Variants in UNC5C observed in about 807,000 individuals in gnomAD.
UNC5C encodes the protein unc-5 netrin receptor C, also known as netrin receptor UNC5C.
A neutral mutation model predicts 99.8 loss-of-function variants in UNC5C; 47 were observed. That is an observed-to-expected ratio of 0.47 (90% confidence interval 0.37 to 0.60). UNC5C has a LOEUF of 0.60. Ranked by LOEUF, UNC5C falls within the 20% of genes least tolerant of loss-of-function variation. UNC5C has a pLI of 0.00. For synonymous variants in UNC5C, 487 were observed against 452.2 expected (o/e 1.08, Z -0.98); for missense variants, 1,062 against 1,165.9 (o/e 0.91, Z 1.30).
intron 12 of UNC5C, among the ~76,000 whole-genome samples, chr4:95,188,833 C>G (rs1359797887): frequency 6.6e-6 from 1 of 152,120 alleles, no homozygotes; most frequent in Non-Finnish European, 1.5e-5. Context: ...AGCACACAGA[C>G]AAGTAAGTCC....
Position 95,318,610 on chromosome 4 carries a change from G to A in UNC5C, c.346+16800C>T, listed in dbSNP as rs188825319. 7.9e-4 allele frequency among the ~76,000 whole-genome samples: 120 copies of A among 152,224 alleles called. 1 individual carries two copies. Among genetic ancestry groups the A allele is most frequent in the Non-Finnish European group, 1.5e-3 (104 of 68,018 alleles). ...GAGAGGCAGCCTCTTAGTCACTGAG[G>A]TCACTTCATACAGAGGGCATCATTG... On this transcript the variant is annotated intron_variant, in intron 2 of 15. Coordinates refer to ENST00000453304, the MANE Select transcript of UNC5C (RefSeq NM_003728.4).
intron 1 of UNC5C, among the ~76,000 whole-genome samples, chr4:95,444,620 C>A (rs559289955): frequency 6.6e-5 from 10 of 152,270 alleles, no homozygotes; most frequent in South Asian, 2.1e-4. Flanking sequence ...CGTGAGGCAC[C>A]GCGCCGGGCC....
chr4:95,449,582 A>T (rs950695899), intron 1 of UNC5C, among the ~76,000 whole-genome samples: 3 of 152,190 alleles, frequency 2.0e-5, no homozygotes, highest in African/African-American at 7.2e-5. Flanking sequence ...AGCCATTGAC[A>T]GGAATGAGGA....
intron 14 of UNC5C, among the ~76,000 whole-genome samples, chr4:95,175,664 G>A (rs1167434616): frequency 1.3e-5 from 2 of 152,038 alleles, no homozygotes; most frequent in African/African-American, 2.4e-5. Flanking sequence ...TTTCTCTCTG[G>A]CTGCCCTTAA....
chr4:95,455,367 A>G (rs929521089), intron 1 of UNC5C, among the ~76,000 whole-genome samples: 6 of 152,118 alleles, frequency 3.9e-5, no homozygotes, highest in Non-Finnish European at 8.8e-5. Context: ...ATGGCCCAAA[A>G]CCATTAAGCA....
At chr4:95,388,449 A>G (rs1233011195) in intron 1 of UNC5C, among the ~76,000 whole-genome samples, 1 of 152,176 alleles carries the variant, frequency 6.6e-6, no homozygotes, top group African/African-American at 2.4e-5. Context: ...TGATGTAAAG[A>G]TTTTGCACCC....
intron 1 of UNC5C, among the ~76,000 whole-genome samples, chr4:95,509,651 A>C (rs1722015066): frequency 6.6e-6 from 1 of 151,898 alleles, no homozygotes; most frequent in South Asian, 2.1e-4. Flanking sequence ...TTACTAGATA[A>C]TTAGTGAATT....
intron 2 of UNC5C, among the ~76,000 whole-genome samples, chr4:95,333,145 T>G (rs967076841): frequency 2.0e-5 from 3 of 152,156 alleles, no homozygotes; most frequent in Non-Finnish European, 2.9e-5. Context: ...AGTTCAACCA[T>G]TGCGGAAGTC....
chr4:95,457,004 A>C (rs1202690262), intron 1 of UNC5C, among the ~76,000 whole-genome samples: 1 of 152,158 alleles, frequency 6.6e-6, no homozygotes, highest in Non-Finnish European at 1.5e-5. Context: ...AATTCTGTGC[A>C]TTTGCAGAAC....
At chr4:95,478,297 A>G (rs1721018479) in intron 1 of UNC5C, among the ~76,000 whole-genome samples, 1 of 151,910 alleles carries the variant, frequency 6.6e-6, no homozygotes, top group Non-Finnish European at 1.5e-5. Context: ...AAGCTCCATG[A>G]TTGACAGGAC....
At chr4:95,349,960 A>C (rs1743926203) in intron 1 of UNC5C, among the ~76,000 whole-genome samples, 1 of 152,150 alleles carries the variant, frequency 6.6e-6, no homozygotes, top group African/African-American at 2.4e-5. Context: ...TGGAAGCCAC[A>C]CTTTATATTT....
At chr4:95,188,461 G>A (rs183116020) in intron 12 of UNC5C, among the ~76,000 whole-genome samples, 8 of 152,176 alleles carry the variant, frequency 5.3e-5, no homozygotes, top group Admixed American at 5.2e-4. Context: ...CACATACGGC[G>A]AATCTCAAAT....
intron 1 of UNC5C, among the ~76,000 whole-genome samples, chr4:95,536,052 A>G (rs1722771046): frequency 7.9e-6 from 1 of 126,766 alleles, no homozygotes; most frequent in South Asian, 2.7e-4. Context: ...CAGTCCATAT[A>G]CATACATACA....
In UNC5C at chr4:95,163,406, T is replaced by A. The variant is rs1430855357; in HGVS notation, c.*5828A>T. ...CCATTCTCTGATGCTGCCTCCATAG[T>A]GCTCAGGATCAGAGGCCAAAAGAGA... On this transcript the variant is annotated 3_prime_UTR_variant, in exon 16 of 16. Transcript: ENST00000453304. 1 of 152,224 alleles carries A rather than the reference T, an allele frequency of 6.6e-6. No homozygotes were observed. Among genetic ancestry groups the A allele is most frequent in the Non-Finnish European group, 1.5e-5 (1 of 68,068 alleles). 9.4% of individuals were successfully genotyped at this position (152,224 alleles called of 1,614,324 possible). A position where few individuals can be genotyped will look rare whatever the true frequency, so the allele number is the denominator to read the frequency against.
At chr4:95,356,224 A>AAAAAAAAAAC (rs1560801873) in intron 1 of UNC5C, among the ~76,000 whole-genome samples, 6 of 127,498 alleles carry the variant, frequency 4.7e-5, no homozygotes, top group African/African-American at 9.7e-5. Context: ...AAAACAAAAA[A>AAAAAAAAAAC]AAAACAGATT....
chr4:95,258,743 A>ATTTTTTTTTTTTT (rs1740102405), intron 4 of UNC5C, among the ~76,000 whole-genome samples: 1 of 85,866 alleles, frequency 1.2e-5, no homozygotes, highest in Non-Finnish European at 2.5e-5. Flanking sequence ...CGACCATCTT[A>ATTTTTTTTTTTTT]TTCTTTTTTT....
intron 1 of UNC5C, among the ~76,000 whole-genome samples, chr4:95,524,362 C>T (rs1324564872): frequency 1.3e-5 from 2 of 152,144 alleles, no homozygotes; most frequent in Non-Finnish European, 2.9e-5. Context: ...TGATGCCTTG[C>T]ATGTTTTATG....
intron 4 of UNC5C, among the ~76,000 whole-genome samples, chr4:95,256,841 A>C (rs1452055552): frequency 1.3e-5 from 2 of 151,714 alleles, no homozygotes; most frequent in Non-Finnish European, 2.9e-5. Context: ...CTGATGTTTG[A>C]GGTCAGGAAG....
At chr4:95,292,234 CACATAT>C (rs1281756866) in intron 3 of UNC5C, among the ~76,000 whole-genome samples, 54 of 74,044 alleles carry the variant, frequency 7.3e-4, no homozygotes, top group African/African-American at 1.7e-3. Context: ...CACACACACA[CACATAT>C]ATATATATAT....
Sources: gnomAD v4.1 joint callset for allele counts (sites outside exome capture counted in the v4.1 genomes callset) on GRCh38, gnomAD v4.1.1 for gene constraint, MANE v1.5 for transcripts, NCBI Gene and HGNC (gene_info 2026-07-23, HGNC 2026-07-21) for gene names.